CELSR1: variants seen among roughly 807,000 people sequenced by gnomAD.
CELSR1 encodes cadherin EGF LAG seven-pass G-type receptor 1.
A neutral mutation model predicts 249.1 loss-of-function variants in CELSR1; 110 were observed. The ratio of observed to expected loss-of-function variants is 0.44; its 90% CI spans 0.38 to 0.52. The LOEUF is 0.52. Among genes scored for constraint, CELSR1 ranks in the 20% least tolerant of loss-of-function variants. The pLI, the probability that CELSR1 is intolerant of heterozygous loss-of-function variation, is 0.00. For missense variants in CELSR1, 4,109 were observed against 4,296.4 expected (o/e 0.96, Z 1.22); for synonymous variants, 2,113 against 1,900.0 (o/e 1.11, Z -2.92).
At chr22:46,378,042 A>T (rs954987153) in intron 23 of CELSR1, among the ~76,000 whole-genome samples, 2 of 145,706 alleles carry the variant, frequency 1.4e-5, no homozygotes, top group African/African-American at 5.1e-5. Flanking sequence ...AGGCCAGGAC[A>T]GCGCTCGGGC....
rs745476796 is a variant in CELSR1, at chr22:46,409,904, G to C, written c.4934-24C>G. ...GCCTGGCAACACAGAGCGTGCGGCA[G>C]AGCCTGACTCGGAGGAACCGCCCGG... On this transcript the variant is annotated intron_variant, in intron 7 of 34. Coordinates refer to ENST00000674500, the MANE Select transcript of CELSR1 (RefSeq NM_001378328.1). This position sits in a 1 kb window ranked among gnomAD's most constrained non-coding sequence, Gnocchi z 9.8. 12 of 1,609,498 alleles carry C rather than the reference G, an allele frequency of 7.5e-6. No individual in the cohort carries two copies. The highest frequency in any genetic ancestry group is 1.6e-4 in the Middle Eastern group (1 of 6,082).
chr22:46,445,470 G>A lies in CELSR1; in HGVS notation c.4184-6059C>T, dbSNP rs543334517. On this transcript the variant is annotated intron_variant, in intron 2 of 34. Coordinates refer to ENST00000674500, the MANE Select transcript of CELSR1 (RefSeq NM_001378328.1). This position sits in a 1 kb window ranked among gnomAD's most constrained non-coding sequence, Gnocchi z 4.4. ...AAATTGCACCATTGCACTCCAGCCT[G>A]GGTGACAGAGCAAGACTGTCTCTAA... Among the ~76,000 whole-genome samples the A allele has an allele frequency of 1.3e-5, 2 of 152,282 alleles. No homozygotes were observed. Among genetic ancestry groups the A allele is most frequent in the South Asian group, 4.2e-4 (2 of 4,818 alleles).
rs532770938 is a variant in CELSR1, at chr22:46,434,546, TC to T, written c.4523-1066del. Among the ~76,000 whole-genome samples, 261 of 152,324 alleles carry T rather than the reference TC, an allele frequency of 1.7e-3. 1 individual carries two copies. The highest frequency in any genetic ancestry group is 5.9e-3 in the African/African-American group (244 of 41,568). On this transcript the variant is annotated intron_variant, in intron 4 of 34. Coordinates refer to ENST00000674500, the MANE Select transcript of CELSR1 (RefSeq NM_001378328.1). This position sits in a 1 kb window ranked among gnomAD's most constrained non-coding sequence, Gnocchi z 4.9. Reference sequence around the variant, plus strand: ...GTGGTTGGCTGCTGTTACAGGTGCCTCCCTTTCTTTATTGAGTATAGAAAAC... The same window carrying T: ...GTGGTTGGCTGCTGTTACAGGTGCCTCCTTTCTTTATTGAGTATAGAAAAC...
chr22:46,499,452 C>T (rs944379565), intron 1 of CELSR1, among the ~76,000 whole-genome samples: 3 of 152,164 alleles, frequency 2.0e-5, no homozygotes, highest in African/African-American at 7.2e-5. Flanking sequence ...AGGACATAGA[C>T]GAACAGGCTT....
rs2078736591 is a variant in CELSR1, at chr22:46,364,055, G to A, written c.8976C>T (p.Leu2992=). Residue 2992 remains leucine (L), a synonymous_variant, in exon 34 of 35, where the codon CTC becomes CTT. Transcript: ENST00000674500. Reference sequence around the variant, plus strand: ...TGCGCACATTCATGGCCACCCCGTTGAGGTGGTCACGCCCCGGCTCCCTCC... The same window carrying A: ...TGCGCACATTCATGGCCACCCCGTTAAGGTGGTCACGCCCCGGCTCCCTCC... ...SPGREPGRDH[L]NGVAMNVRTG... 3.1e-6 allele frequency: 5 copies of A among 1,612,224 alleles called. No individual in the cohort carries two copies. The highest frequency in any genetic ancestry group is 4.2e-6 in the Non-Finnish European group (5 of 1,179,646).
rs141096124 is a variant in CELSR1, at chr22:46,486,798, G to A, written c.3545-22453C>T. ...GTGGAGGTTGCAGTGAGCGGAGATC[G>A]TGCCACTGCACTCCAGCCTGGGCGA... On this transcript the variant is annotated intron_variant, in intron 1 of 34. Transcript: ENST00000674500. Among the ~76,000 whole-genome samples, 1,190 of 148,366 alleles carry A rather than the reference G, an allele frequency of 8.0e-3. 24 individuals carry two copies. The highest frequency in any genetic ancestry group is 0.028 in the African/African-American group (1,141 of 40,128).
intron 1 of CELSR1, among the ~76,000 whole-genome samples, chr22:46,499,996 C>T (rs1391708727): frequency 6.6e-6 from 1 of 152,196 alleles, no homozygotes; most frequent in Non-Finnish European, 1.5e-5. Flanking sequence ...CATTTCCACC[C>T]CATGCCTGGC....
intron 2 of CELSR1, among the ~76,000 whole-genome samples, chr22:46,450,620 C>A (rs1001429805): frequency 1.3e-5 from 2 of 152,242 alleles, no homozygotes; most frequent in African/African-American, 4.8e-5. Flanking sequence ...TTAATGTCCA[C>A]ACAGAGCTTG....
chr22:46,416,233 G>A (rs1203963705), intron 5 of CELSR1, among the ~76,000 whole-genome samples: 1 of 152,244 alleles, frequency 6.6e-6, no homozygotes, highest in Admixed American at 6.5e-5. Context: ...ACAGGGTTGT[G>A]TCTGAGTTTT....
At chr22:46,451,551 C>A (rs2079884948) in intron 2 of CELSR1, among the ~76,000 whole-genome samples, 1 of 152,212 alleles carries the variant, frequency 6.6e-6, no homozygotes, top group African/African-American at 2.4e-5. Flanking sequence ...TCTTCTGGTG[C>A]TTGCAGCAGC....
intron 5 of CELSR1, among the ~76,000 whole-genome samples, chr22:46,420,731 C>T (rs775256435): frequency 2.0e-5 from 3 of 152,172 alleles, no homozygotes; most frequent in African/African-American, 4.8e-5. Flanking sequence ...TCTGGGCCCG[C>T]GGGACCCCCT....
intron 18 of CELSR1, among the ~76,000 whole-genome samples, chr22:46,387,485 AT>A (rs1489771643): frequency 1.4e-5 from 2 of 146,460 alleles, no homozygotes; most frequent in African/African-American, 5.5e-5. Context: ...GGTTCAAGCA[AT>A]TCTCGTGCCT....
chr22:46,401,026 A>G lies in CELSR1; in HGVS notation c.5227-1124T>C, dbSNP rs1475635712. On this transcript the variant is annotated intron_variant, in intron 9 of 34. Coordinates refer to ENST00000674500, the MANE Select transcript of CELSR1 (RefSeq NM_001378328.1). The surrounding 1 kb of genome is among the most constrained non-coding windows in gnomAD (Gnocchi z 4.7). ...AACACTGATCAGAATTGCTTGTCTT[A>G]TTCTACGGGAAAAAGGATCAATCGC... Among the ~76,000 whole-genome samples the G allele has an allele frequency of 1.3e-5, 2 of 152,034 alleles. No individual in the cohort carries two copies. The highest frequency in any genetic ancestry group is 2.9e-5 in the Non-Finnish European group (2 of 68,014).
chr22:46,386,354 A>C (rs1459525691), intron 19 of CELSR1, 48 bp downstream of exon 19: 1 of 1,459,404 alleles, frequency 6.9e-7, no homozygotes, highest in East Asian at 2.6e-5. Flanking sequence ...TCTGGGGCAC[A>C]CCCCTGATGG....
intron 1 of CELSR1, among the ~76,000 whole-genome samples, chr22:46,515,741 A>C (rs1009033658): frequency 6.6e-6 from 1 of 152,214 alleles, no homozygotes; most frequent in Non-Finnish European, 1.5e-5. Context: ...TCTGTGTAAC[A>C]GGCTCCCAGC....
rs147621241 is a variant in CELSR1, at chr22:46,481,776, T to C, written c.3545-17431A>G. 7.3e-5 allele frequency: 29 copies of C among 399,622 alleles called. No individual in the cohort carries two copies. In the East Asian group the frequency reaches 1.0e-3, roughly 14 times the overall value. The allele number at this position is 399,622 out of a possible 1,614,324, so 24.8% of individuals were successfully genotyped here. ...TGTGCTGCCCCAGTTATTTGAACTTTTCTAAATCTTTTTTTTTTTTTTGAA... is the reference window on the plus strand; with the variant it reads ...TGTGCTGCCCCAGTTATTTGAACTTCTCTAAATCTTTTTTTTTTTTTTGAA... On this transcript the variant is annotated intron_variant, in intron 1 of 34. Transcript: ENST00000674500.
rs556550690 is a variant in CELSR1 at position 46,428,816 on chromosome 22, C to T, written c.4611+4577G>A. Among the ~76,000 whole-genome samples the T allele has an allele frequency of 1.8e-4, 27 of 152,318 alleles. No individual in the cohort carries two copies. Among genetic ancestry groups the T allele is most frequent in the Admixed American group, 1.2e-3 (18 of 15,304 alleles). On this transcript the variant is annotated intron_variant, in intron 5 of 34. Coordinates refer to ENST00000674500, the MANE Select transcript of CELSR1 (RefSeq NM_001378328.1). The surrounding 1 kb of genome is among the most constrained non-coding windows in gnomAD (Gnocchi z 5.7). Reference sequence around the variant, plus strand: ...GCACAGCTCACTCACGGGTCCCCAGCGGGCCACACTGCCTGGTGTCCATGT... The same window carrying T: ...GCACAGCTCACTCACGGGTCCCCAGTGGGCCACACTGCCTGGTGTCCATGT...
chr22:46,435,330 G>A lies in CELSR1; in HGVS notation c.4522+844C>T, dbSNP rs190567468. 4.0e-3 allele frequency among the ~76,000 whole-genome samples: 561 copies of A among 141,328 alleles called. 1 individual carries two copies. Among genetic ancestry groups the A allele is most frequent in the African/African-American group, 0.014 (534 of 37,230 alleles). 92.7% of individuals were successfully genotyped at this position (141,328 alleles called of 152,430 possible). Reference sequence around the variant, plus strand: ...GGAGTCTCACTCTGTCACCCAGGCTGGAGTGCAATGGCATGATCTCAGCTC... The same window carrying A: ...GGAGTCTCACTCTGTCACCCAGGCTAGAGTGCAATGGCATGATCTCAGCTC... On this transcript the variant is annotated intron_variant, in intron 4 of 34. Coordinates refer to ENST00000674500, the MANE Select transcript of CELSR1 (RefSeq NM_001378328.1).
Position 46,367,005 on chromosome 22 carries a change from G to A in CELSR1, c.8193C>T (p.Ala2731=), listed in dbSNP as rs78398495. Reference sequence around the variant, plus strand: ...CGGCGCCTCCTACCGTCAGCAGGGTGGCCCTGGTGGTGGCGGAGTCCTCCA... The same window carrying A: ...CGGCGCCTCCTACCGTCAGCAGGGTAGCCCTGGTGGTGGCGGAGTCCTCCA... The part of the protein sequence containing the change: ...LHLEDSATTR[A]TLLTRSLNCN... The change falls in exon 29 of 35, where the codon GCC becomes GCT. Residue 2731 remains alanine, a synonymous_variant. Transcript: ENST00000674500. 9,214 of 1,609,866 alleles carry A rather than the reference G, an allele frequency of 5.7e-3. 458 individuals carry two copies. The African/African-American group carries it at 0.1, about 18-fold the overall frequency.
Sources: gnomAD v4.1 joint callset for allele counts (sites outside exome capture counted in the v4.1 genomes callset) on GRCh38, gnomAD v4.1.1 for gene constraint, Gnocchi (gnomAD v3.1) non-coding constraint, MANE v1.5 for transcripts, NCBI Gene and HGNC (gene_info 2026-07-23, HGNC 2026-07-21) for gene names.